The following GRM5 variants were observed in gnomAD, a reference collection of about 807,000 sequenced individuals.
The protein encoded by GRM5 is metabotropic glutamate receptor 5.
In GRM5, 19 loss-of-function variants were observed where a neutral mutation model predicts 83.1. That is an observed-to-expected ratio of 0.23 (90% CI 0.16 to 0.34). GRM5 has a LOEUF of 0.34. GRM5 is among the 10% of genes least tolerant of loss of function. GRM5 has a pLI of 1.00. For missense variants in GRM5, 1,160 were observed against 1,588.3 expected (o/e 0.73, Z 4.58); for synonymous variants, 675 against 633.6 (o/e 1.07, Z -0.98).
intron 2 of GRM5, among the ~76,000 whole-genome samples, chr11:89,044,912 T>C (rs1445020037): frequency 6.6e-6 from 1 of 151,888 alleles, no homozygotes; most frequent in Non-Finnish European, 1.5e-5. Flanking sequence ...CTGTATCCTG[T>C]TTGACTCTCA....
intron 5 of GRM5, among the ~76,000 whole-genome samples, chr11:88,602,252 A>G (rs545931354): frequency 6.6e-6 from 1 of 152,284 alleles, no homozygotes; most frequent in South Asian, 2.1e-4. Flanking sequence ...GTGCTATTAC[A>G]TATTATGTTA....
intron 7 of GRM5, among the ~76,000 whole-genome samples, chr11:88,576,752 G>T (rs1181258081): frequency 6.6e-6 from 1 of 152,102 alleles, no homozygotes; most frequent in Non-Finnish European, 1.5e-5. Context: ...TTTATAAAAT[G>T]CTTAAAGTTG....
intron 2 of GRM5, among the ~76,000 whole-genome samples, chr11:88,879,595 T>C (rs1166245059): frequency 1.3e-5 from 2 of 152,042 alleles, no homozygotes; most frequent in African/African-American, 4.8e-5. Context: ...TCCTTCCCTT[T>C]CTTTATTTTA....
At chr11:88,863,351 G>C (rs1484332461) in intron 2 of GRM5, among the ~76,000 whole-genome samples, 1 of 151,102 alleles carries the variant, frequency 6.6e-6, no homozygotes, top group Non-Finnish European at 1.5e-5. Context: ...TAAAGACATG[G>C]AATCAACCCA....
At chr11:89,055,987 A>G (rs1188676133) in intron 1 of GRM5, among the ~76,000 whole-genome samples, 1 of 152,176 alleles carries the variant, frequency 6.6e-6, no homozygotes, top group Non-Finnish European at 1.5e-5. Context: ...TACCAGAGCC[A>G]AGAGTCACAT....
At chr11:88,784,483 A>G (rs754844703) in intron 3 of GRM5, among the ~76,000 whole-genome samples, 1 of 152,148 alleles carries the variant, frequency 6.6e-6, no homozygotes, top group African/African-American at 2.4e-5. Flanking sequence ...TTCTTTGATA[A>G]GTATCACCCA....
intron 2 of GRM5, among the ~76,000 whole-genome samples, chr11:88,971,120 T>C (rs773024691): frequency 2.6e-5 from 4 of 151,726 alleles, no homozygotes; most frequent in Non-Finnish European, 5.9e-5. Context: ...ATGGGACTTA[T>C]GAATATGGAA....
Position 88,994,638 on chromosome 11 carries a change from C to A in GRM5, c.661+52574G>T, listed in dbSNP as rs1334140800. Among the ~76,000 whole-genome samples, 7 of 144,130 alleles carry A rather than the reference C, an allele frequency of 4.9e-5. No individual in the cohort carries two copies. In the East Asian group the frequency reaches 1.4e-3, roughly 29 times the overall value. The allele number at this position is 144,130 out of a possible 152,430, so 94.6% of individuals were successfully genotyped here. A position where few individuals can be genotyped will look rare whatever the true frequency, so the allele number is the denominator to read the frequency against. Reference sequence around the variant, plus strand: ...AAAAAAAAAAAAAAACAGTAAAACACTTTGTTGGTGTTCCTGGGATGATTT... The same window carrying A: ...AAAAAAAAAAAAAAACAGTAAAACAATTTGTTGGTGTTCCTGGGATGATTT... On this transcript the variant is annotated intron_variant, in intron 2 of 9. Transcript: ENST00000305447.
intron 4 of GRM5, among the ~76,000 whole-genome samples, chr11:88,627,395 T>C (rs1163256483): frequency 6.6e-6 from 1 of 152,170 alleles, no homozygotes; most frequent in Non-Finnish European, 1.5e-5. Context: ...TTAGGTCTGA[T>C]GGACCCAGCT....
chr11:89,038,143 G>C (rs1394244244), intron 2 of GRM5, among the ~76,000 whole-genome samples: 1 of 123,866 alleles, frequency 8.1e-6, no homozygotes. Context: ...TCTTTCTTTA[G>C]AATCTCATTG....
At chr11:88,946,455 T>C (rs1164918673) in intron 2 of GRM5, among the ~76,000 whole-genome samples, 1 of 152,124 alleles carries the variant, frequency 6.6e-6, no homozygotes, top group Non-Finnish European at 1.5e-5. Context: ...GCATCACTAT[T>C]CACACTAGCA....
intron 5 of GRM5, among the ~76,000 whole-genome samples, chr11:88,604,200 A>G (rs1313565340): frequency 6.6e-6 from 1 of 152,148 alleles, no homozygotes; most frequent in Non-Finnish European, 1.5e-5. Context: ...TCAGAGAAAA[A>G]AAACAATTTA....
intron 3 of GRM5, among the ~76,000 whole-genome samples, chr11:88,814,646 C>T (rs952580699): frequency 2.0e-5 from 3 of 152,146 alleles, no homozygotes; most frequent in Admixed American, 1.3e-4. Flanking sequence ...AAGCTGCTTC[C>T]AACTAACTGA....
At chr11:88,843,520 T>G (rs1306517004) in intron 3 of GRM5, among the ~76,000 whole-genome samples, 1 of 152,160 alleles carries the variant, frequency 6.6e-6, no homozygotes, top group Non-Finnish European at 1.5e-5. Flanking sequence ...CTGGCTGTAC[T>G]TCCGTCTCTC....
At chr11:89,002,824 G>A (rs1591038720) in intron 2 of GRM5, among the ~76,000 whole-genome samples, 1 of 151,928 alleles carries the variant, frequency 6.6e-6, no homozygotes, top group East Asian at 1.9e-4. Context: ...CCCCCCCAGA[G>A]AGCCACCTAG....
chr11:88,716,924 GT>G (rs111577150), intron 3 of GRM5, among the ~76,000 whole-genome samples: 159 of 152,048 alleles, frequency 1.0e-3, no homozygotes, highest in African/African-American at 3.0e-3. Context: ...ATGCCCCACT[GT>G]TTTATTTGGT....
At position 88,969,722 on chromosome 11, in the gene GRM5, G is replaced by A. The variant is rs1055241994; in HGVS notation, c.661+77490C>T. On this transcript the variant is annotated intron_variant, in intron 2 of 9. Coordinates refer to ENST00000305447, the MANE Select transcript of GRM5 (RefSeq NM_001143831.3). ...TAGACATGAGACCATCATTAACAGG[G>A]AAGAAATAAACTGATGTCAAAAAGA... 2.6e-5 allele frequency among the ~76,000 whole-genome samples: 4 copies of A among 151,964 alleles called. 1 individual carries two copies. Among genetic ancestry groups the A allele is most frequent in the African/African-American group, 4.8e-5 (2 of 41,400 alleles).
At chr11:88,746,484 A>C (rs2135422194) in intron 3 of GRM5, among the ~76,000 whole-genome samples, 1 of 152,180 alleles carries the variant, frequency 6.6e-6, no homozygotes, top group East Asian at 1.9e-4. Context: ...AAACAAACAA[A>C]TTATTCCTAT....
intron 4 of GRM5, among the ~76,000 whole-genome samples, chr11:88,609,712 T>C (rs1042656857): frequency 1.3e-5 from 2 of 152,212 alleles, no homozygotes; most frequent in Admixed American, 6.5e-5. Context: ...TAGTTTCCCT[T>C]GCTGTGCAGA....
Sources: allele counts gnomAD v4.1 joint callset (sites outside exome capture counted in the v4.1 genomes callset), GRCh38; gene constraint gnomAD v4.1.1; transcripts MANE v1.5; gene names NCBI Gene and HGNC (gene_info 2026-07-23, HGNC 2026-07-21).